DNAH9: variants seen among roughly 807,000 people sequenced by gnomAD.
DNAH9 encodes dynein axonemal heavy chain 9.
Under a neutral mutation model 471.6 loss-of-function variants are expected in DNAH9, and 345 were observed. That is an observed-to-expected ratio of 0.73 (90% CI 0.67 to 0.80). The LOEUF (loss-of-function observed/expected upper bound fraction) is 0.80, where lower values mean the gene tolerates loss of function less well. Among genes scored for constraint, DNAH9 ranks in the 30% least tolerant of loss-of-function variants. The pLI, the probability that DNAH9 is intolerant of heterozygous loss-of-function variation, is 0.00. For missense variants in DNAH9, 5,407 were observed against 5,609.2 expected (o/e 0.96, Z 1.15); for synonymous variants, 2,093 against 2,123.6 (o/e 0.99, Z 0.40).
chr17:11,663,524 C>A (rs988640191), intron 14 of DNAH9, among the ~76,000 whole-genome samples: 1 of 152,174 alleles, frequency 6.6e-6, no homozygotes, highest in African/African-American at 2.4e-5. Context: ...CCAATTAATT[C>A]TTTTATTATA....
rs148127083 is a variant in DNAH9 at position 11,753,891 on chromosome 17, T to C, written c.6738+931T>C. On this transcript the variant is annotated intron_variant, in intron 33 of 68. Coordinates refer to ENST00000262442, the MANE Select transcript of DNAH9 (RefSeq NM_001372.4). ...GCAAACTCATGTCACAGGGGTTTGT[T>C]GTACACATTATTTCATCACCCAGGT... Among the ~76,000 whole-genome samples, 162 of 152,296 alleles carry C rather than the reference T, an allele frequency of 1.1e-3. 2 individuals carry two copies. The East Asian group carries it at 0.031, about 29-fold the overall frequency.
intron 30 of DNAH9, 132 bp from the exon 31 acceptor site, chr17:11,744,665 C>A: frequency 1.3e-6 from 1 of 747,292 alleles, no homozygotes; most frequent in Non-Finnish European, 2.2e-6. Flanking sequence ...TTTTCTAAGT[C>A]ATCCCTTCCC....
intron 19 of DNAH9, among the ~76,000 whole-genome samples, chr17:11,682,902 G>A (rs889172388): frequency 1.6e-4 from 24 of 152,122 alleles, no homozygotes; most frequent in African/African-American, 4.8e-4. Flanking sequence ...TAGGAGCCAC[G>A]CCCTTGTTCC....
intron 1 of DNAH9, among the ~76,000 whole-genome samples, chr17:11,601,241 A>G (rs1376788593): frequency 6.6e-6 from 1 of 152,080 alleles, no homozygotes; most frequent in Non-Finnish European, 1.5e-5. Flanking sequence ...GTTTTTGTGA[A>G]TAATGCTGCA....
At chr17:11,729,369 G>A (rs571387058) in intron 28 of DNAH9, among the ~76,000 whole-genome samples, 1 of 152,238 alleles carries the variant, frequency 6.6e-6, no homozygotes, top group East Asian at 1.9e-4. Context: ...GCAATCACAA[G>A]GGCACCATGT....
chr17:11,688,302 G>A (rs1243190303), intron 19 of DNAH9, among the ~76,000 whole-genome samples: 1 of 152,076 alleles, frequency 6.6e-6, no homozygotes, highest in Admixed American at 6.5e-5. Flanking sequence ...AGCTAGAAAT[G>A]GTGCTCATAG....
intron 22 of DNAH9, among the ~76,000 whole-genome samples, chr17:11,696,425 G>A (rs2074477721): frequency 6.6e-6 from 1 of 152,056 alleles, no homozygotes; most frequent in Non-Finnish European, 1.5e-5. Flanking sequence ...AATAACCTTG[G>A]ACTTTGTATT....
intron 53 of DNAH9, among the ~76,000 whole-genome samples, chr17:11,876,827 G>A (rs370937138): frequency 9.9e-5 from 15 of 152,196 alleles, no homozygotes; most frequent in South Asian, 6.2e-4. Context: ...TCAAGCAAGC[G>A]ATTCTCCTGG....
At chr17:11,602,071 A>G (rs1413773798) in intron 1 of DNAH9, among the ~76,000 whole-genome samples, 1 of 152,170 alleles carries the variant, frequency 6.6e-6, no homozygotes, top group Non-Finnish European at 1.5e-5. Context: ...CACATCATTC[A>G]CTACTGCCAA....
chr17:11,862,064 G>A (rs1971869312), intron 50 of DNAH9, among the ~76,000 whole-genome samples: 1 of 132,146 alleles, frequency 7.6e-6, no homozygotes, highest in African/African-American at 2.8e-5. Context: ...TGTTGCCATT[G>A]CTTTTGGTGT....
At chr17:11,720,817 G>A (rs1339226540) in intron 27 of DNAH9, among the ~76,000 whole-genome samples, 7 of 152,070 alleles carry the variant, frequency 4.6e-5, no homozygotes, top group African/African-American at 1.7e-4. Context: ...TGTCTTCCAC[G>A]TGGTCTTCAT....
At chr17:11,648,523 A>G (rs893343140) in intron 12 of DNAH9, among the ~76,000 whole-genome samples, 1 of 152,182 alleles carries the variant, frequency 6.6e-6, no homozygotes, top group Non-Finnish European at 1.5e-5. Context: ...ATATTACTAT[A>G]TAGTAATTAA....
chr17:11,688,925 G>A (rs1166000614), intron 19 of DNAH9, among the ~76,000 whole-genome samples: 2 of 151,804 alleles, frequency 1.3e-5, no homozygotes, highest in Admixed American at 6.6e-5. Flanking sequence ...GTGAAACCCC[G>A]TCTCTACTAA....
At chr17:11,632,490 A>G in intron 7 of DNAH9, 97 bp from the exon 8 acceptor site, 2 of 683,468 alleles carry the variant, frequency 2.9e-6, no homozygotes, top group Non-Finnish European at 5.3e-6. Context: ...ATTCTTTGGT[A>G]TAACCAGTTC....
chr17:11,931,888 A>T, intron 63 of DNAH9, 126 bp from the exon 64 acceptor site: 1 of 1,089,738 alleles, frequency 9.2e-7, no homozygotes, highest in Non-Finnish European at 1.4e-6. Context: ...GTCTCGCTGT[A>T]ACTCAAACCC....
rs142792290 is a variant in DNAH9, at chr17:11,740,934, G to A, written c.5973-1241G>A. 9.7e-4 allele frequency among the ~76,000 whole-genome samples: 147 copies of A among 152,024 alleles called. 3 individuals are homozygous for A. In the East Asian group the frequency reaches 0.025, roughly 25 times the overall value. On this transcript the variant is annotated intron_variant, in intron 29 of 68. Coordinates refer to ENST00000262442, the MANE Select transcript of DNAH9 (RefSeq NM_001372.4). ...GTAGCGCATTTCTTTTTCAAAATTG[G>A]GATCAGACTATATATAGTTTAGTAT...
intron 59 of DNAH9, among the ~76,000 whole-genome samples, chr17:11,899,645 T>C (rs1973338325): frequency 6.6e-6 from 1 of 152,212 alleles, no homozygotes; most frequent in Non-Finnish European, 1.5e-5. Context: ...CAGTGTAATT[T>C]GCTCAGTTTT....
chr17:11,643,383 T>G (rs1439288958), intron 10 of DNAH9, among the ~76,000 whole-genome samples: 1 of 152,192 alleles, frequency 6.6e-6, no homozygotes, highest in Admixed American at 6.5e-5. Flanking sequence ...TGGTAGTGTT[T>G]CGGATCGCGT....
intron 41 of DNAH9, among the ~76,000 whole-genome samples, chr17:11,786,972 G>A (rs554126129): frequency 3.5e-4 from 54 of 152,294 alleles, no homozygotes; most frequent in African/African-American, 1.1e-3. Context: ...CTTCTGCTAC[G>A]TGGTCCCCTC....
Sources: allele counts gnomAD v4.1 joint callset (sites outside exome capture counted in the v4.1 genomes callset), GRCh38; gene constraint gnomAD v4.1.1; transcripts MANE v1.5; gene names NCBI Gene and HGNC (gene_info 2026-07-23, HGNC 2026-07-21).